RASA2: variants seen among roughly 807,000 people sequenced by gnomAD.
The protein encoded by RASA2 is ras GTPase-activating protein 2.
Under a neutral mutation model 118.2 loss-of-function variants are expected in RASA2, and 155 were observed. The ratio of observed to expected loss-of-function variants is 1.31; its 90% CI spans 1.15 to 1.50. The LOEUF is 1.50. Ranked by LOEUF, RASA2 falls within the 40% of genes most tolerant of loss-of-function variation. RASA2 has a pLI of 0.00. For missense variants in RASA2, 1,016 were observed against 1,009.6 expected (o/e 1.01, Z -0.09); for synonymous variants, 353 against 349.1 (o/e 1.01, Z -0.12).
chr3:141,487,411 G>A (rs1212022875), intron 1 of RASA2, among the ~76,000 whole-genome samples, 195 bp downstream of exon 1: 1 of 151,838 alleles, frequency 6.6e-6, no homozygotes, highest in Admixed American at 6.6e-5. Flanking sequence ...GGCGTGGGCC[G>A]GGGCTGCTGC....
rs1251864502 is a variant in RASA2, at chr3:141,487,152, G to A, written c.69G>A (p.Glu23=). 2 of 1,465,346 alleles carry A rather than the reference G, an allele frequency of 1.4e-6. No homozygotes were observed. The highest frequency in any genetic ancestry group is 5.9e-5 in the East Asian group (2 of 33,784). 90.8% of individuals were successfully genotyped at this position (1,465,346 alleles called of 1,614,324 possible). ...CGCCAGCGGCGAGTGCGACTGCAGA[G>A]CCCGAGGCCGGGGACCAGGACAGTC... ...SEAPAASATA[E]PEAGDQDSRE... The change falls in exon 1 of 24, where the codon GAG becomes GAA. Residue 23 remains glutamate, a synonymous_variant. Coordinates refer to ENST00000286364, the MANE Select transcript of RASA2 (RefSeq NM_006506.5).
chr3:141,549,743 C>A (rs1346965043), intron 5 of RASA2, among the ~76,000 whole-genome samples: 2 of 151,988 alleles, frequency 1.3e-5, no homozygotes, highest in African/African-American at 4.8e-5. Context: ...AGTAAAAGAA[C>A]CTGGACTCCT....
chr3:141,526,452 T>A (rs1560009374), intron 3 of RASA2, among the ~76,000 whole-genome samples: 1 of 152,110 alleles, frequency 6.6e-6, no homozygotes, highest in Admixed American at 6.6e-5. Flanking sequence ...TCCTTCATTC[T>A]TTGTCTGTCT....
At chr3:141,500,478 T>TCTG (rs1404191008) in intron 1 of RASA2, among the ~76,000 whole-genome samples, 1 of 152,246 alleles carries the variant, frequency 6.6e-6, no homozygotes, top group African/African-American at 2.4e-5. Flanking sequence ...AGCATGGTTT[T>TCTG]CTGCTACTTT....
intron 5 of RASA2, among the ~76,000 whole-genome samples, chr3:141,541,132 C>G (rs985842041): frequency 6.6e-6 from 1 of 152,126 alleles, no homozygotes; most frequent in African/African-American, 2.4e-5. Context: ...CCTCCAAACC[C>G]TTACTCTGTG....
intron 1 of RASA2, among the ~76,000 whole-genome samples, chr3:141,499,663 G>T (rs922104564): frequency 2.6e-4 from 39 of 151,998 alleles, no homozygotes; most frequent in African/African-American, 9.4e-4. Context: ...GCAGTGGTGC[G>T]ATCTCAGCTC....
rs1232152803 is a variant in RASA2 at position 141,614,189 on chromosome 3, A to G, written c.*1876A>G. The G allele has an allele frequency of 1.3e-5, 2 of 151,876 alleles. No homozygotes were observed. The highest frequency in any genetic ancestry group is 2.9e-5 in the Non-Finnish European group (2 of 67,966). 9.4% of individuals were successfully genotyped at this position (151,876 alleles called of 1,614,324 possible). Reference sequence around the variant, plus strand: ...TAGCATTTCTAATACCAAATCCCCAATTGTGATTGTTTTAAAGATCATGGT... The same window carrying G: ...TAGCATTTCTAATACCAAATCCCCAGTTGTGATTGTTTTAAAGATCATGGT... On this transcript the variant is annotated 3_prime_UTR_variant, in exon 24 of 24. Transcript: ENST00000286364.
intron 19 of RASA2, chr3:141,590,109 C>G: frequency 2.2e-6 from 1 of 456,466 alleles, no homozygotes; most frequent in South Asian, 1.5e-5. Flanking sequence ...ATATTACATG[C>G]TTCCCTGCCT....
intron 4 of RASA2, among the ~76,000 whole-genome samples, chr3:141,536,365 T>TC (rs1267124468): frequency 6.6e-6 from 1 of 151,918 alleles, no homozygotes; most frequent in East Asian, 1.9e-4. Context: ...TTCAATGACC[T>TC]CCCCCCGGGT....
rs183732654 is a variant in RASA2 at position 141,576,130 on chromosome 3, T to C, written c.1484-870T>C. ...ATGTATCTCTTTAGTTATGTTTTTG[T>C]TGACTTAACTATTAATATGGTTATC... is the stretch of plus-strand genomic sequence containing the variant. On this transcript the variant is annotated intron_variant, in intron 14 of 23. Transcript: ENST00000286364. Among the ~76,000 whole-genome samples, 11 of 152,322 alleles carry C rather than the reference T, an allele frequency of 7.2e-5. No homozygotes were observed. In the East Asian group the frequency reaches 2.1e-3, roughly 29 times the overall value.
chr3:141,601,659 A>G (rs2083466152), intron 19 of RASA2, among the ~76,000 whole-genome samples: 1 of 152,144 alleles, frequency 6.6e-6, no homozygotes, highest in Non-Finnish European at 1.5e-5. Flanking sequence ...TGACCATAAA[A>G]TGTATTACTT....
At chr3:141,544,014 T>TA (rs1169729438) in intron 5 of RASA2, among the ~76,000 whole-genome samples, 1 of 151,878 alleles carries the variant, frequency 6.6e-6, no homozygotes, top group Admixed American at 6.6e-5. Context: ...TAGCTGGAAT[T>TA]ACAGGCATGC....
intron 1 of RASA2, among the ~76,000 whole-genome samples, chr3:141,489,802 C>A (rs2081618591): frequency 6.6e-6 from 1 of 152,070 alleles, no homozygotes; most frequent in East Asian, 1.9e-4. Flanking sequence ...CCTTATACTT[C>A]ACAAGGTGAA....
chr3:141,606,700 C>T (rs774759241), intron 19 of RASA2, among the ~76,000 whole-genome samples: 27 of 151,936 alleles, frequency 1.8e-4, no homozygotes, highest in Non-Finnish European at 3.4e-4. Context: ...TCAAATATTC[C>T]ATCTTAACAT....
chr3:141,562,416 G>T (rs2082745065), intron 9 of RASA2, among the ~76,000 whole-genome samples: 1 of 146,450 alleles, frequency 6.8e-6, no homozygotes, highest in East Asian at 2.1e-4. Flanking sequence ...GAGGTCAGGA[G>T]ATCGAGACAT....
chr3:141,562,865 G>A (rs1034388800), intron 9 of RASA2, among the ~76,000 whole-genome samples: 1 of 151,816 alleles, frequency 6.6e-6, no homozygotes, highest in African/African-American at 2.4e-5. Flanking sequence ...TAGAGATGGG[G>A]TTTCACCATG....
intron 19 of RASA2, among the ~76,000 whole-genome samples, chr3:141,596,821 CAG>C (rs1402885580): frequency 4.6e-5 from 7 of 152,128 alleles, no homozygotes; most frequent in Non-Finnish European, 7.4e-5. Context: ...TGTGGAGAAA[CAG>C]AAACCCTCAT....
intron 19 of RASA2, among the ~76,000 whole-genome samples, chr3:141,591,553 C>A (rs1265336305): frequency 2.0e-5 from 3 of 152,164 alleles, no homozygotes; most frequent in African/African-American, 7.2e-5. Context: ...AACACCATGT[C>A]TTCCATATAT....
chr3:141,495,925 T>G (rs2081695710), intron 1 of RASA2, among the ~76,000 whole-genome samples: 1 of 152,222 alleles, frequency 6.6e-6, no homozygotes, highest in African/African-American at 2.4e-5. Flanking sequence ...TCTTGTTGGG[T>G]AAAAACAGCA....
Sources: gnomAD v4.1 joint callset for allele counts (sites outside exome capture counted in the v4.1 genomes callset) on GRCh38, gnomAD v4.1.1 for gene constraint, MANE v1.5 for transcripts, NCBI Gene and HGNC (gene_info 2026-07-23, HGNC 2026-07-21) for gene names.